KCNB2: variants seen among roughly 807,000 people sequenced by gnomAD.
KCNB2 encodes the protein potassium voltage-gated channel subfamily B member 2, also known as delayed rectifier potassium channel protein.
KCNB2 carries 15 observed loss-of-function variants against 61.5 expected under a neutral mutation model. The ratio of observed to expected loss-of-function variants is 0.24; its 90% CI spans 0.16 to 0.38. KCNB2 has a LOEUF of 0.38. Ranked by LOEUF, KCNB2 falls within the 10% of genes least tolerant of loss-of-function variation. KCNB2 has a pLI of 1.00. For synonymous variants in KCNB2, 457 were observed against 446.0 expected (o/e 1.02, Z -0.31); for missense variants, 828 against 1,125.2 (o/e 0.74, Z 3.78).
chr8:72,923,788 G>T (rs1806579888), intron 2 of KCNB2, among the ~76,000 whole-genome samples: 1 of 152,114 alleles, frequency 6.6e-6, no homozygotes, highest in Non-Finnish European at 1.5e-5. Context: ...ACGTAATAAG[G>T]ATAAAGTTCT....
intron 2 of KCNB2, among the ~76,000 whole-genome samples, chr8:72,835,934 G>A (rs1423433160): frequency 6.6e-6 from 1 of 152,190 alleles, no homozygotes; most frequent in Non-Finnish European, 1.5e-5. Context: ...ACATATGTCA[G>A]TCTTGCTCTC....
At chr8:72,772,237 G>A (rs1808573125) in intron 2 of KCNB2, among the ~76,000 whole-genome samples, 1 of 152,164 alleles carries the variant, frequency 6.6e-6, no homozygotes, top group Non-Finnish European at 1.5e-5. Context: ...CGTACCCACA[G>A]GCGTGAGTTA....
intron 2 of KCNB2, among the ~76,000 whole-genome samples, chr8:72,803,664 A>C (rs959182754): frequency 2.0e-5 from 3 of 152,226 alleles, no homozygotes; most frequent in Non-Finnish European, 4.4e-5. Context: ...TACCTGCAGA[A>C]AGTGACATAA....
At chr8:72,706,793 C>T (rs2128991522) in intron 2 of KCNB2, among the ~76,000 whole-genome samples, 1 of 152,268 alleles carries the variant, frequency 6.6e-6, no homozygotes, top group South Asian at 2.1e-4. Flanking sequence ...ACAATTGGGC[C>T]TTATTGCTTT....
chr8:72,922,099 C>G (rs948769674), intron 2 of KCNB2, among the ~76,000 whole-genome samples: 11 of 152,250 alleles, frequency 7.2e-5, no homozygotes, highest in African/African-American at 2.6e-4. Flanking sequence ...TCTGAATGTG[C>G]TAGAAAAGAA....
chr8:72,777,813 C>T (rs1808680972), intron 2 of KCNB2, among the ~76,000 whole-genome samples: 1 of 152,124 alleles, frequency 6.6e-6, no homozygotes, highest in Non-Finnish European at 1.5e-5. Context: ...ATATATCACT[C>T]TTCAAAAAAG....
In KCNB2 at chr8:72,938,061, T is replaced by A. The variant is rs966558128; in HGVS notation, c.2706T>A (p.Gly902=). ...TTCATTCCAACCCAGGAGACACAGGTTATTGTCCCACACGTGAAACCAGCA... is the reference window on the plus strand; with the variant it reads ...TTCATTCCAACCCAGGAGACACAGGATATTGTCCCACACGTGAAACCAGCA... ...PEIHSNPGDT[G]YCPTRETSM Residue 902 remains glycine (G), a synonymous_variant, in exon 3 of 3, where the codon GGT becomes GGA. Transcript: ENST00000523207. 1.9e-6 allele frequency: 3 copies of A among 1,612,922 alleles called. No homozygotes were observed. The highest frequency in any genetic ancestry group is 2.5e-6 in the Non-Finnish European group (3 of 1,179,452).
intron 2 of KCNB2, among the ~76,000 whole-genome samples, chr8:72,707,019 T>C (rs1807238285): frequency 6.6e-6 from 1 of 152,194 alleles, no homozygotes; most frequent in South Asian, 2.1e-4. Context: ...CCACTCTGCA[T>C]ATTACCTTGT....
intron 2 of KCNB2, among the ~76,000 whole-genome samples, chr8:72,723,872 A>G (rs1041910692): frequency 1.3e-5 from 2 of 152,216 alleles, no homozygotes; most frequent in African/African-American, 2.4e-5. Context: ...TGAAGAGGCT[A>G]GAGGGCTTAG....
At chr8:72,782,969 G>A (rs1808787572) in intron 2 of KCNB2, among the ~76,000 whole-genome samples, 2 of 152,056 alleles carry the variant, frequency 1.3e-5, no homozygotes, top group Admixed American at 6.6e-5. Context: ...CATAAGAATG[G>A]TCATGGATTC....
intron 2 of KCNB2, among the ~76,000 whole-genome samples, chr8:72,626,746 G>A (rs969866613): frequency 6.6e-6 from 1 of 152,202 alleles, no homozygotes; most frequent in Non-Finnish European, 1.5e-5. Flanking sequence ...CAGAACTGGT[G>A]CCCTTGACCA....
intron 2 of KCNB2, among the ~76,000 whole-genome samples, chr8:72,790,969 T>A (rs997351113): frequency 5.9e-5 from 9 of 152,178 alleles, no homozygotes; most frequent in African/African-American, 1.9e-4. Context: ...ATGATGAGAA[T>A]GAAGAAAACA....
At chr8:72,682,766 A>T (rs996481451) in intron 2 of KCNB2, among the ~76,000 whole-genome samples, 1 of 151,834 alleles carries the variant, frequency 6.6e-6, no homozygotes, top group South Asian at 2.1e-4. Context: ...GCTAACTTTT[A>T]TTTTTTTGTT....
intron 2 of KCNB2, among the ~76,000 whole-genome samples, chr8:72,694,031 T>A (rs1806980497): frequency 6.6e-6 from 1 of 152,042 alleles, no homozygotes; most frequent in Non-Finnish European, 1.5e-5. Flanking sequence ...GGAAAGAAAA[T>A]AGAAAATCGA....
chr8:72,723,353 A>G (rs1449110523), intron 2 of KCNB2, among the ~76,000 whole-genome samples: 2 of 152,204 alleles, frequency 1.3e-5, no homozygotes, highest in Admixed American at 1.3e-4. Context: ...AACTAAAGAA[A>G]CTAAAATTCT....
At chr8:72,919,640 C>T (rs1002210036) in intron 2 of KCNB2, among the ~76,000 whole-genome samples, 1 of 152,144 alleles carries the variant, frequency 6.6e-6, no homozygotes, top group African/African-American at 2.4e-5. Flanking sequence ...GTAGGTCTAT[C>T]ACTGACAAAC....
At chr8:72,723,178 A>G (rs1807579744) in intron 2 of KCNB2, among the ~76,000 whole-genome samples, 2 of 152,196 alleles carry the variant, frequency 1.3e-5, no homozygotes, top group South Asian at 4.1e-4. Flanking sequence ...TAAATTGGCA[A>G]TTGGACAGGG....
At chr8:72,832,610 T>A (rs1490129341) in intron 2 of KCNB2, among the ~76,000 whole-genome samples, 1 of 152,126 alleles carries the variant, frequency 6.6e-6, no homozygotes, top group Non-Finnish European at 1.5e-5. Context: ...CTGTAAAGGG[T>A]CTGAGACTTA....
chr8:72,820,094 C>A (rs1185592686), intron 2 of KCNB2, among the ~76,000 whole-genome samples: 1 of 152,102 alleles, frequency 6.6e-6, no homozygotes, highest in African/African-American at 2.4e-5. Context: ...TACTGCAAAG[C>A]CTTCCTCCTC....
Sources: gnomAD v4.1 joint callset for allele counts (sites outside exome capture counted in the v4.1 genomes callset) on GRCh38, gnomAD v4.1.1 for gene constraint, MANE v1.5 for transcripts, NCBI Gene and HGNC (gene_info 2026-07-23, HGNC 2026-07-21) for gene names.